The following OTUD7A variants were observed in gnomAD, a reference collection of about 807,000 sequenced individuals.
The protein encoded by OTUD7A is OTU deubiquitinase 7A, also known as OTU domain-containing protein 7A.
A neutral mutation model predicts 65.7 loss-of-function variants in OTUD7A; 12 were observed. That is an observed-to-expected ratio of 0.18 (90% CI 0.12 to 0.30). The LOEUF (loss-of-function observed/expected upper bound fraction) is 0.30. OTUD7A is among the 10% of genes least tolerant of loss of function. The probability of loss-of-function intolerance (pLI) is 1.00; values close to 1 mark genes in which losing one functional copy is unlikely to be tolerated. For missense variants in OTUD7A, 1,148 were observed against 1,304.8 expected (o/e 0.88, Z 1.85); for synonymous variants, 641 against 586.3 (o/e 1.09, Z -1.35).
chr15:31,743,873 G>C (rs914931272), intron 1 of OTUD7A, among the ~76,000 whole-genome samples: 3 of 152,104 alleles, frequency 2.0e-5, no homozygotes, highest in Non-Finnish European at 4.4e-5. Context: ...AGGTGAGGGA[G>C]GGAAAGAGGG....
intron 1 of OTUD7A, among the ~76,000 whole-genome samples, chr15:31,807,719 G>A (rs1258013616): frequency 6.6e-6 from 1 of 152,002 alleles, no homozygotes; most frequent in Non-Finnish European, 1.5e-5. Context: ...TGGTCTTCCA[G>A]GAATTAGTAT....
intron 1 of OTUD7A, among the ~76,000 whole-genome samples, chr15:31,808,134 C>CACACACACAA (rs1555420116): frequency 1.0e-5 from 1 of 95,704 alleles, no homozygotes; most frequent in Admixed American, 1.3e-4. Context: ...CACACACACA[C>CACACACACAA]ACAAACAAAT....
chr15:31,771,815 T>G (rs1330851029), intron 1 of OTUD7A, among the ~76,000 whole-genome samples: 1 of 152,164 alleles, frequency 6.6e-6, no homozygotes, highest in African/African-American at 2.4e-5. Flanking sequence ...ACTTCAGCCT[T>G]CTGTTTGGCC....
rs1434866268 is a variant in OTUD7A at position 31,710,012 on chromosome 15, G to A, written c.-99-52935C>T. Among the ~76,000 whole-genome samples, 7 of 151,742 alleles carry A rather than the reference G, an allele frequency of 4.6e-5. No homozygotes were observed. In the East Asian group the frequency reaches 1.4e-3, roughly 30 times the overall value. ...TTTGTGTAAGTACAGAAAAAGTTATGGAAGTATAAACTGCATCCTGGGAGA... is the reference window on the plus strand; with the variant it reads ...TTTGTGTAAGTACAGAAAAAGTTATAGAAGTATAAACTGCATCCTGGGAGA... On this transcript the variant is annotated intron_variant, in intron 1 of 12. Coordinates refer to ENST00000307050, the MANE Select transcript of OTUD7A (RefSeq NM_001382637.1).
chr15:31,763,011 G>A (rs560728234), intron 1 of OTUD7A, among the ~76,000 whole-genome samples: 10 of 152,096 alleles, frequency 6.6e-5, no homozygotes, highest in Non-Finnish European at 1.2e-4. Context: ...AGCCAGGTGC[G>A]GTGGCTCACG....
At chr15:31,508,383 C>G (rs992446864) in intron 8 of OTUD7A, among the ~76,000 whole-genome samples, 2 of 129,342 alleles carry the variant, frequency 1.5e-5, no homozygotes, top group East Asian at 2.3e-4. Flanking sequence ...GAGTCTTGCT[C>G]TGTCACCCAG....
chr15:31,487,485 C>G lies in OTUD7A; in HGVS notation c.1253G>C (p.Gly418Ala). Residue 418 changes from glycine to alanine, a missense_variant, in exon 11 of 13, where the codon GGG (glycine) becomes GCG (alanine). By Grantham distance (60) the Gly-to-Ala change is moderately conservative. Around this residue, in one of 6 missense-constraint regions of OTUD7A, gnomAD observed 842 missense variants for 769.5 expected, o/e 1.09. Transcript: ENST00000307050. The surrounding 1 kb of genome is among the most constrained non-coding windows in gnomAD (Gnocchi z 6.0). ...CCGGGCGTTATCGTTGTCGTCTTTC[C>G]CCCACTCCCAGTCCTTGCCAGGGTC... ...AVDPGKDWEWGKDDNDNARLA... is the reference protein window; with the variant it reads ...AVDPGKDWEWAKDDNDNARLA... 6.2e-7 allele frequency: 1 copy of G among 1,614,064 alleles called. No individual in the cohort carries two copies. The highest frequency in any genetic ancestry group is 1.7e-5 in the Admixed American group (1 of 60,026).
At chr15:31,643,569 T>C (rs953311008) in intron 3 of OTUD7A, among the ~76,000 whole-genome samples, 1 of 152,230 alleles carries the variant, frequency 6.6e-6, no homozygotes, top group Non-Finnish European at 1.5e-5. Context: ...TAATAACTTT[T>C]AGTGCCCTTG....
chr15:31,787,006 T>C (rs1895691518), intron 1 of OTUD7A, among the ~76,000 whole-genome samples: 1 of 152,196 alleles, frequency 6.6e-6, no homozygotes, highest in Non-Finnish European at 1.5e-5. Context: ...GCTTTCTTAG[T>C]GGAGACACTG....
intron 3 of OTUD7A, among the ~76,000 whole-genome samples, chr15:31,653,932 T>C (rs1891914551): frequency 7.7e-6 from 1 of 129,612 alleles, no homozygotes; most frequent in South Asian, 2.9e-4. Context: ...ACACATTTTA[T>C]ATCACAACTT....
At chr15:31,612,623 C>A (rs1460798116) in intron 3 of OTUD7A, among the ~76,000 whole-genome samples, 1 of 152,092 alleles carries the variant, frequency 6.6e-6, no homozygotes, top group African/African-American at 2.4e-5. Context: ...AACTACAAAA[C>A]CCTGGTGAAA....
chr15:31,752,922 G>A (rs187319714), intron 1 of OTUD7A, among the ~76,000 whole-genome samples: 88 of 152,242 alleles, frequency 5.8e-4, no homozygotes, highest in African/African-American at 2.1e-3. Flanking sequence ...TGAAACAACT[G>A]CACAGATGGT....
chr15:31,483,281 C>T lies in OTUD7A; in HGVS notation c.*13G>A. On this transcript the variant is annotated 3_prime_UTR_variant, in exon 13 of 13. Transcript: ENST00000307050. Reference sequence around the variant, plus strand: ...GAAGGTAGAACCTCGCCGCCCGCGCCGCGCCGCGCCGCTCAGGGCCGGGCC... The same window carrying T: ...GAAGGTAGAACCTCGCCGCCCGCGCTGCGCCGCGCCGCTCAGGGCCGGGCC... 4.6e-6 allele frequency: 5 copies of T among 1,098,452 alleles called. No homozygotes were observed. The highest frequency in any genetic ancestry group is 4.4e-6 in the Non-Finnish European group (4 of 904,494). The allele number at this position is 1,098,452 out of a possible 1,614,324, so 68.0% of individuals were successfully genotyped here.
At chr15:31,500,014 T>C (rs2141079379) in intron 10 of OTUD7A, among the ~76,000 whole-genome samples, 1 of 152,286 alleles carries the variant, frequency 6.6e-6, no homozygotes, top group Non-Finnish European at 1.5e-5. Flanking sequence ...TCGGTGCCTT[T>C]TGCGAGGAGG....
chr15:31,610,617 A>ATATATATTT, intron 3 of OTUD7A, among the ~76,000 whole-genome samples: 27 of 30,554 alleles, frequency 8.8e-4, no homozygotes, highest in East Asian at 1.9e-3. Context: ...ATATATATAT[A>ATATATATTT]TTTTTTTTTT....
At chr15:31,636,358 A>G (rs1158132959) in intron 3 of OTUD7A, among the ~76,000 whole-genome samples, 1 of 152,216 alleles carries the variant, frequency 6.6e-6, no homozygotes, top group African/African-American at 2.4e-5. Context: ...TAATTACAAC[A>G]GTTCTGGTTC....
At chr15:31,791,904 A>G (rs911933995) in intron 1 of OTUD7A, among the ~76,000 whole-genome samples, 6 of 151,848 alleles carry the variant, frequency 4.0e-5, no homozygotes, top group African/African-American at 1.2e-4. Context: ...CCCCAAATGC[A>G]CTCCCATGAA....
chr15:31,727,445 C>T lies in OTUD7A; in HGVS notation c.-99-70368G>A, dbSNP rs559959941. Among the ~76,000 whole-genome samples the T allele has an allele frequency of 2.0e-5, 3 of 152,206 alleles. No individual in the cohort carries two copies. In the East Asian group the frequency reaches 5.8e-4, roughly 29 times the overall value. ...TTTTTTTCCCCACTGCTGTCTCAGACCTTTAGTATTCAATAGGTATTTTAG... is the reference window on the plus strand; with the variant it reads ...TTTTTTTCCCCACTGCTGTCTCAGATCTTTAGTATTCAATAGGTATTTTAG... On this transcript the variant is annotated intron_variant, in intron 1 of 12. Transcript: ENST00000307050.
intron 12 of OTUD7A, among the ~76,000 whole-genome samples, chr15:31,485,892 C>T (rs2041229863): frequency 6.6e-6 from 1 of 152,182 alleles, no homozygotes; most frequent in Non-Finnish European, 1.5e-5. Context: ...CAGAACTGAC[C>T]CTCACCACCT....
Sources: allele counts gnomAD v4.1 joint callset (sites outside exome capture counted in the v4.1 genomes callset), GRCh38; gene constraint gnomAD v4.1.1; regional missense constraint gnomAD v4.1.1; non-coding constraint Gnocchi (gnomAD v3.1); transcripts MANE v1.5; gene names NCBI Gene and HGNC (gene_info 2026-07-23, HGNC 2026-07-21).